Variants in ADK observed in about 807,000 individuals in gnomAD.
The protein encoded by ADK is adenosine kinase, also known as N6,N6-dimethyladenosine kinase.
A neutral mutation model predicts 44.7 loss-of-function variants in ADK; 24 were observed. That is an observed-to-expected ratio of 0.54 (90% CI 0.39 to 0.76). The LOEUF (loss-of-function observed/expected upper bound fraction) is 0.76. ADK is among the 30% of genes least tolerant of loss of function. The pLI is 0.00. For synonymous variants in ADK, 128 were observed against 142.6 expected (o/e 0.90, Z 0.73); for missense variants, 321 against 425.1 (o/e 0.76, Z 2.15).
chr10:74,687,423 C>G (rs893662743), intron 10 of ADK, among the ~76,000 whole-genome samples: 1 of 152,202 alleles, frequency 6.6e-6, no homozygotes, highest in East Asian at 1.9e-4. Flanking sequence ...CAGTAGGACA[C>G]TAGGAGAACC....
chr10:74,539,949 C>G (rs1849570106), intron 7 of ADK, among the ~76,000 whole-genome samples: 1 of 152,154 alleles, frequency 6.6e-6, no homozygotes, highest in Non-Finnish European at 1.5e-5. Context: ...GGGAAAGATT[C>G]AGAAAATGCA....
intron 6 of ADK, among the ~76,000 whole-genome samples, chr10:74,473,636 G>A (rs1846694360): frequency 6.6e-6 from 1 of 152,122 alleles, no homozygotes; most frequent in Non-Finnish European, 1.5e-5. Flanking sequence ...GGGGTTTTGA[G>A]AATACCACCA....
intron 4 of ADK, among the ~76,000 whole-genome samples, chr10:74,379,784 G>C (rs1763678861): frequency 6.6e-6 from 1 of 152,140 alleles, no homozygotes; most frequent in African/African-American, 2.4e-5. Context: ...CCAGCTACTT[G>C]GGAGGCTGAG....
At chr10:74,580,817 A>G (rs970688054) in intron 7 of ADK, among the ~76,000 whole-genome samples, 1 of 152,148 alleles carries the variant, frequency 6.6e-6, no homozygotes, top group African/African-American at 2.4e-5. Context: ...TAAAATTCAT[A>G]ATGTCTGTTA....
chr10:74,664,493 G>A (rs1397450610), intron 9 of ADK, among the ~76,000 whole-genome samples: 7 of 152,108 alleles, frequency 4.6e-5, no homozygotes, highest in Non-Finnish European at 1.0e-4. Flanking sequence ...TTATATTTTT[G>A]AATCATACGA....
intron 1 of ADK, 97 bp downstream of exon 1, chr10:74,151,440 C>A: frequency 7.4e-7 from 1 of 1,346,684 alleles, no homozygotes; most frequent in Non-Finnish European, 1.0e-6. Flanking sequence ...TGGTGTCTCT[C>A]ACTGCCAGCT....
chr10:74,656,786 CTTT>C (rs1854503242), intron 9 of ADK, among the ~76,000 whole-genome samples: 1 of 152,200 alleles, frequency 6.6e-6, no homozygotes, highest in Admixed American at 6.5e-5. Context: ...TGTTAATTTC[CTTT>C]TAAGTAAATA....
At chr10:74,584,918 A>G (rs1035114133) in intron 7 of ADK, among the ~76,000 whole-genome samples, 1 of 152,218 alleles carries the variant, frequency 6.6e-6, no homozygotes, top group African/African-American at 2.4e-5. Flanking sequence ...TTATGGTTTT[A>G]GTTTAATATT....
intron 6 of ADK, among the ~76,000 whole-genome samples, chr10:74,454,626 A>G (rs1845880319): frequency 6.6e-6 from 1 of 152,190 alleles, no homozygotes; most frequent in Admixed American, 6.5e-5. Context: ...TATGTACATG[A>G]CTGGGGCCTC....
At chr10:74,454,812 G>A (rs1191387781) in intron 6 of ADK, among the ~76,000 whole-genome samples, 7 of 152,158 alleles carry the variant, frequency 4.6e-5, no homozygotes, top group Non-Finnish European at 8.8e-5. Context: ...AGTAAACTGG[G>A]TGAAACTTGG....
chr10:74,670,064 C>A, intron 9 of ADK, 119 bp from the exon 10 acceptor site: 1 of 813,262 alleles, frequency 1.2e-6, no homozygotes, highest in Non-Finnish European at 2.1e-6. Context: ...GAATATGGAG[C>A]TTATGTCCTG....
At chr10:74,392,065 A>G (rs1212447772) in intron 4 of ADK, among the ~76,000 whole-genome samples, 1 of 152,144 alleles carries the variant, frequency 6.6e-6, no homozygotes, top group Non-Finnish European at 1.5e-5. Context: ...AATTGTTGAT[A>G]GATGTCTGGG....
chr10:74,242,940 C>G (rs542340628), intron 3 of ADK, among the ~76,000 whole-genome samples: 22 of 152,196 alleles, frequency 1.4e-4, no homozygotes, highest in African/African-American at 5.3e-4. Flanking sequence ...TTCCACCGCT[C>G]AGTAAAATTC....
intron 4 of ADK, chr10:74,372,039 C>T: frequency 1.3e-6 from 1 of 765,476 alleles, no homozygotes; most frequent in Non-Finnish European, 2.4e-6. Context: ...TAAGGGAGCT[C>T]ACTCAATGGG....
chr10:74,275,284 A>G (rs1458897391), intron 3 of ADK, among the ~76,000 whole-genome samples: 1 of 152,120 alleles, frequency 6.6e-6, no homozygotes, highest in Non-Finnish European at 1.5e-5. Flanking sequence ...ATAAGGAAAT[A>G]CCAGAGAGAG....
intron 9 of ADK, among the ~76,000 whole-genome samples, chr10:74,658,924 G>GTA (rs902433692): frequency 5.9e-5 from 9 of 151,894 alleles, no homozygotes; most frequent in Admixed American, 1.3e-4. Context: ...ATATATATGT[G>GTA]TATATATATA....
intron 7 of ADK, among the ~76,000 whole-genome samples, chr10:74,530,050 A>C (rs951268275): frequency 6.6e-6 from 1 of 152,188 alleles, no homozygotes. Context: ...GAAGGTCAAA[A>C]TCAGATTTTT....
In ADK at chr10:74,302,124, T is replaced by G. The variant is rs1331813944; in HGVS notation, c.195-12543T>G. ...TTGTTTGTTTGTTTTTTTTTTTTTT[T>G]TTTTTTTTTTTTTTTTTTTTTTGAG... On this transcript the variant is annotated intron_variant, in intron 3 of 10. Coordinates refer to ENST00000539909, the MANE Select transcript of ADK (RefSeq NM_006721.4). 3.6e-4 allele frequency among the ~76,000 whole-genome samples: 39 copies of G among 109,282 alleles called. 2 individuals carry two copies. The highest frequency in any genetic ancestry group is 1.3e-3 in the African/African-American group (34 of 25,846). The allele number at this position is 109,282 out of a possible 152,430, so 71.7% of individuals were successfully genotyped here. A position where few individuals can be genotyped will look rare whatever the true frequency, so the allele number is the denominator to read the frequency against.
chr10:74,200,614 A>G (rs1013747963), intron 1 of ADK, 150 bp from the exon 2 acceptor site: 1 of 664,716 alleles, frequency 1.5e-6, no homozygotes, highest in Non-Finnish European at 2.7e-6. Flanking sequence ...AAAATGTTCT[A>G]CGTATAATAG....
Sources: allele counts gnomAD v4.1 joint callset (sites outside exome capture counted in the v4.1 genomes callset), GRCh38; gene constraint gnomAD v4.1.1; transcripts MANE v1.5; gene names NCBI Gene and HGNC (gene_info 2026-07-23, HGNC 2026-07-21).